The following KIAA0825 variants were observed in gnomAD, a reference collection of about 807,000 sequenced individuals.
KIAA0825 encodes the protein uncharacterized protein KIAA0825.
A neutral mutation model predicts 147.6 loss-of-function variants in KIAA0825; 119 were observed. That is an observed-to-expected ratio of 0.81 (90% CI 0.69 to 0.94). The LOEUF is 0.94. KIAA0825 is among the 40% of genes least tolerant of loss of function. KIAA0825 has a pLI of 0.00. For missense variants in KIAA0825, 1,381 were observed against 1,472.7 expected, an observed-to-expected ratio of 0.94 and a Z score of 1.02; for synonymous variants, 470 against 518.1, an observed-to-expected ratio of 0.91 and a Z score of 1.26.
intron 5 of KIAA0825, among the ~76,000 whole-genome samples, chr5:94,494,107 GCTT>G (rs766895896): frequency 1.3e-5 from 2 of 152,046 alleles, no homozygotes; most frequent in African/African-American, 2.4e-5. Context: ...AAAAGACACT[GCTT>G]CTATTCTTAC....
intron 1 of KIAA0825, chr5:94,593,384 G>GA: frequency 1.0e-6 from 1 of 1,003,966 alleles, no homozygotes; most frequent in Non-Finnish European, 1.5e-6. Flanking sequence ...TTAATATCAC[G>GA]ACATTTTCAA....
chr5:94,267,043 G>C (rs1432252509), intron 20 of KIAA0825, among the ~76,000 whole-genome samples: 1 of 152,158 alleles, frequency 6.6e-6, no homozygotes, highest in Non-Finnish European at 1.5e-5. Context: ...TACAAGCCTA[G>C]TTAGGTGACT....
intron 14 of KIAA0825, among the ~76,000 whole-genome samples, chr5:94,436,731 T>C (rs1756422608): frequency 6.6e-6 from 1 of 152,194 alleles, no homozygotes; most frequent in African/African-American, 2.4e-5. Context: ...ATTTTCACAA[T>C]ATTGATTCTT....
At chr5:94,597,761 T>C (rs1440343599) in intron 1 of KIAA0825, among the ~76,000 whole-genome samples, 2 of 152,182 alleles carry the variant, frequency 1.3e-5, no homozygotes, top group African/African-American at 2.4e-5. Flanking sequence ...ACCTAGGCTA[T>C]AATGGTATTG....
intron 5 of KIAA0825, among the ~76,000 whole-genome samples, chr5:94,511,858 G>A (rs139702121): frequency 0.067 from 9,884 of 148,610 alleles, 1,089 homozygotes; most frequent in African/African-American, 0.23. Flanking sequence ...GCATGGTGGC[G>A]GGTGCCTGTA....
At chr5:94,336,205 A>G (rs1008612293) in intron 20 of KIAA0825, among the ~76,000 whole-genome samples, 5 of 151,746 alleles carry the variant, frequency 3.3e-5, no homozygotes, top group African/African-American at 9.7e-5. Flanking sequence ...CCCTGTCTCT[A>G]CTAATAGCTA....
At chr5:94,611,752 G>A (rs1585040701) in intron 1 of KIAA0825, among the ~76,000 whole-genome samples, 1 of 150,544 alleles carries the variant, frequency 6.6e-6, no homozygotes, top group Non-Finnish European at 1.5e-5. Context: ...TTGAGACCAG[G>A]GTGGGCAACA....
chr5:94,283,157 A>T (rs1562348636), intron 20 of KIAA0825, among the ~76,000 whole-genome samples: 1 of 152,080 alleles, frequency 6.6e-6, no homozygotes, highest in Non-Finnish European at 1.5e-5. Context: ...TTACTACATT[A>T]AAAAATCTTT....
intron 1 of KIAA0825, among the ~76,000 whole-genome samples, chr5:94,600,899 C>T (rs1786293987): frequency 6.6e-6 from 1 of 152,210 alleles, no homozygotes; most frequent in Admixed American, 6.5e-5. Context: ...CTGACATTCT[C>T]TAGCCCACAG....
intron 2 of KIAA0825, among the ~76,000 whole-genome samples, chr5:94,579,105 A>G (rs1781601040): frequency 6.6e-6 from 1 of 152,134 alleles, no homozygotes; most frequent in Non-Finnish European, 1.5e-5. Context: ...TATTTTTAGT[A>G]GAGACGGGGT....
At chr5:94,267,522 A>G (rs1192313086) in intron 20 of KIAA0825, among the ~76,000 whole-genome samples, 1 of 152,154 alleles carries the variant, frequency 6.6e-6, no homozygotes, top group Non-Finnish European at 1.5e-5. Flanking sequence ...ATTAAGAAAG[A>G]CCCACTCAGT....
intron 20 of KIAA0825, among the ~76,000 whole-genome samples, chr5:94,317,601 A>C (rs148871006): frequency 1.4e-3 from 216 of 151,976 alleles, no homozygotes; most frequent in African/African-American, 4.7e-3. Context: ...AGAGACTTAG[A>C]TTTGGAATCA....
intron 20 of KIAA0825, among the ~76,000 whole-genome samples, chr5:94,263,181 C>A (rs1776584681): frequency 6.6e-6 from 1 of 152,110 alleles, no homozygotes; most frequent in East Asian, 1.9e-4. Context: ...AAAAAAATAG[C>A]ATAGGAAGAC....
chr5:94,297,544 A>T (rs1778191723), intron 20 of KIAA0825, among the ~76,000 whole-genome samples: 10 of 152,002 alleles, frequency 6.6e-5, no homozygotes, highest in Admixed American at 6.6e-4. Flanking sequence ...ATAAAGAAAA[A>T]TTTTCAGTAT....
chr5:94,252,311 A>T (rs1776004139), intron 20 of KIAA0825, among the ~76,000 whole-genome samples: 1 of 151,978 alleles, frequency 6.6e-6, no homozygotes, highest in Non-Finnish European at 1.5e-5. Context: ...TGGAAATCTA[A>T]GTGGTTGTTT....
chr5:94,591,263 G>C (rs1324746436), intron 1 of KIAA0825, among the ~76,000 whole-genome samples: 3 of 152,238 alleles, frequency 2.0e-5, no homozygotes, highest in Non-Finnish European at 4.4e-5. Flanking sequence ...CCATGGCAGA[G>C]AGTGGAGTAA....
intron 2 of KIAA0825, among the ~76,000 whole-genome samples, chr5:94,539,642 GT>G (rs768939686): frequency 2.0e-5 from 3 of 152,086 alleles, no homozygotes; most frequent in Non-Finnish European, 4.4e-5. Flanking sequence ...GGGTACCCGG[GT>G]AAATAATGGG....
chr5:94,529,660 A>G (rs934746856), intron 3 of KIAA0825, among the ~76,000 whole-genome samples: 2 of 152,052 alleles, frequency 1.3e-5, no homozygotes, highest in Non-Finnish European at 2.9e-5. Flanking sequence ...GGAATGGAGA[A>G]AGTTTTCCTC....
At chr5:94,176,107 C>T (rs1224828708) in intron 20 of KIAA0825, among the ~76,000 whole-genome samples, 3 of 152,052 alleles carry the variant, frequency 2.0e-5, no homozygotes, top group African/African-American at 7.2e-5. Flanking sequence ...GGGGTAGGGC[C>T]TGTTGAGAGG....
Sources: gnomAD v4.1 joint callset for allele counts (sites outside exome capture counted in the v4.1 genomes callset) on GRCh38, gnomAD v4.1.1 for gene constraint, MANE v1.5 for transcripts, NCBI Gene and HGNC (gene_info 2026-07-23, HGNC 2026-07-21) for gene names.